CORO1B: variants seen among roughly 807,000 people sequenced by gnomAD.
The protein encoded by CORO1B is coronin 1B.
CORO1B carries 30 observed loss-of-function variants against 51.1 expected under a neutral mutation model. The observed-to-expected ratio is 0.59, with a 90% CI of 0.44 to 0.80. CORO1B has a LOEUF of 0.80. CORO1B is among the 30% of genes least tolerant of loss of function. The pLI, the probability that CORO1B is intolerant of heterozygous loss-of-function variation, is 0.00. For missense variants in CORO1B, 648 were observed against 700.4 expected (o/e 0.93, Z 0.84); for synonymous variants, 310 against 289.7 (o/e 1.07, Z -0.71).
rs772270600 is a variant in CORO1B, at chr11:67,442,624, G to A, written c.5C>T (p.Ser2Phe). Reference sequence around the variant, plus strand: ...GCTCTGCCGGACCACTTTGCGGAAGGACATGTCTGCGGGACAGAGAGGCCT... The same window carrying A: ...GCTCTGCCGGACCACTTTGCGGAAGAACATGTCTGCGGGACAGAGAGGCCT... M[S>F]FRKVVRQSKF... Residue 2 changes from serine (S) to phenylalanine (F), a missense_variant, in exon 2 of 11, where the codon TCC becomes TTC. Coordinates refer to ENST00000341356, the MANE Select transcript of CORO1B (RefSeq NM_020441.3). 93 of 1,613,378 alleles carry A rather than the reference G, an allele frequency of 5.8e-5. 2 individuals carry two copies. The South Asian group carries it at 1.0e-3, about 18-fold the overall frequency.
Position 67,440,121 on chromosome 11 carries a change from G to A in CORO1B, c.1004C>T (p.Ala335Val). 1 of 1,609,998 alleles carries A rather than the reference G, an allele frequency of 6.2e-7. No individual in the cohort carries two copies. The highest frequency in any genetic ancestry group is 8.5e-7 in the Non-Finnish European group (1 of 1,178,034). Residue 335 changes from alanine to valine, a missense_variant, in exon 8 of 11, where the codon GCC becomes GTC. Coordinates refer to ENST00000341356, the MANE Select transcript of CORO1B (RefSeq NM_020441.3). Reference protein sequence around the residue: ...RGLEVSKCEIARFYKLHERKC... With the variant: ...RGLEVSKCEIVRFYKLHERKC... ...GTGGCCTCGGTAGCCCTCTTACCGG[G>A]CGATCTCGCACTTGCTGACCTCCAG... is the stretch of plus-strand genomic sequence containing the variant.
Position 67,441,112 on chromosome 11 carries a change from G to T in CORO1B, c.756+13C>A. ...CCAAGTCTCAAGTTTGCCCCCTCAG[G>T]CTGGCCACTCACTGGGTCCCAGAGC... is the stretch of plus-strand genomic sequence containing the variant. On this transcript the variant is annotated intron_variant, in intron 6 of 10. Transcript: ENST00000341356. 1 of 1,612,906 alleles carries T rather than the reference G, an allele frequency of 6.2e-7. No homozygotes were observed. Among genetic ancestry groups the T allele is most frequent in the Non-Finnish European group, 8.5e-7 (1 of 1,179,986 alleles).
In CORO1B at chr11:67,437,625, C is replaced by T. The variant is rs781536204; in HGVS notation, c.*751G>A. 29 of 1,365,426 alleles carry T rather than the reference C, an allele frequency of 2.1e-5. No individual in the cohort carries two copies. The highest frequency in any genetic ancestry group is 1.2e-4 in the Admixed American group (4 of 34,224). The allele number at this position is 1,365,426 out of a possible 1,614,324, so 84.6% of individuals were successfully genotyped here. ...GGGGCTCCGAGGCTTACCATTGGTCCGCAGGCCCCTCCGTGCCGGGCACCC... is the reference window on the plus strand; with the variant it reads ...GGGGCTCCGAGGCTTACCATTGGTCTGCAGGCCCCTCCGTGCCGGGCACCC... On this transcript the variant is annotated 3_prime_UTR_variant, in exon 11 of 11. Coordinates refer to ENST00000341356, the MANE Select transcript of CORO1B (RefSeq NM_020441.3).
intron 1 of CORO1B, among the ~76,000 whole-genome samples, chr11:67,442,936 G>A (rs1460505197): frequency 2.0e-5 from 3 of 152,308 alleles, no homozygotes; most frequent in African/African-American, 2.4e-5. Context: ...GGGAGGTGCC[G>A]GGGTTGGAGA....
upstream of CORO1B, chr11:67,443,538 G>C (rs1205576001): frequency 1.2e-6 from 1 of 816,756 alleles, no homozygotes; most frequent in Non-Finnish European, 1.5e-6. Context: ...GGCTCGCGGG[G>C]GCGGGGCCGA....
Position 67,436,398 on chromosome 11 carries a change from G to T in CORO1B, c.*1978C>A. 1 of 1,425,644 alleles carries T rather than the reference G, an allele frequency of 7.0e-7. No individual in the cohort carries two copies. The highest frequency in any genetic ancestry group is 1.5e-5 in the South Asian group (1 of 66,826). The allele number at this position is 1,425,644 out of a possible 1,614,324, so 88.3% of individuals were successfully genotyped here. A position where few individuals can be genotyped will look rare whatever the true frequency, so the allele number is the denominator to read the frequency against. On this transcript the variant is annotated 3_prime_UTR_variant, in exon 11 of 11. Coordinates refer to ENST00000341356, the MANE Select transcript of CORO1B (RefSeq NM_020441.3). ...CAGAGGGCTCAGCACCTGGGGTGGG[G>T]CCTGGTGTGGGGCAGGCTGGGTGAC...
rs535853943 is a variant in CORO1B, at chr11:67,437,846, G to A, written c.*530C>T. ...GGGCCTGTCCTCCAAGGAAGAAGCA[G>A]CACCAACTTGAAGCTGGATGCAGCC... On this transcript the variant is annotated 3_prime_UTR_variant, in exon 11 of 11. Coordinates refer to ENST00000341356, the MANE Select transcript of CORO1B (RefSeq NM_020441.3). The A allele has an allele frequency of 7.9e-5, 32 of 404,136 alleles. No homozygotes were observed. Among genetic ancestry groups the A allele is most frequent in the Non-Finnish European group, 1.3e-4 (31 of 231,452 alleles). 25.0% of individuals were successfully genotyped at this position (404,136 alleles called of 1,614,324 possible).
rs144432725 is a variant in CORO1B, at chr11:67,440,441, T to C, written c.757-2A>G. 3.7e-6 allele frequency: 6 copies of C among 1,613,618 alleles called. No homozygotes were observed. The highest frequency in any genetic ancestry group is 5.1e-6 in the Non-Finnish European group (6 of 1,179,884). On this transcript the variant is annotated splice_acceptor_variant, in intron 6 of 10. Coordinates refer to ENST00000341356, the MANE Select transcript of CORO1B (RefSeq NM_020441.3). LOFTEE classifies it high-confidence loss of function. ...GGCCATGGGTTCCTCGAGGTTTTCC[T>C]GGCACATTGCAGGCAGTCAGGCCAA...
At position 67,436,907 on chromosome 11, in the gene CORO1B, C is replaced by T. The variant is rs540939848; in HGVS notation, c.*1469G>A. On this transcript the variant is annotated 3_prime_UTR_variant, in exon 11 of 11. Coordinates refer to ENST00000341356, the MANE Select transcript of CORO1B (RefSeq NM_020441.3). ...TTTGGGTCAAGCATGTTAGTAGGTG[C>T]TCAATAAGTATGGATTAAATGTGTC... The T allele has an allele frequency of 6.5e-6, 1 of 152,762 alleles. No homozygotes were observed. Among genetic ancestry groups the T allele is most frequent in the Non-Finnish European group, 1.5e-5 (1 of 68,626 alleles). The allele number at this position is 152,762 out of a possible 1,614,324, so 9.5% of individuals were successfully genotyped here. A position where few individuals can be genotyped will look rare whatever the true frequency, so the allele number is the denominator to read the frequency against.
rs1337233192 is a variant in CORO1B, at chr11:67,441,945, C to T, written c.324+21G>A. 4.3e-6 allele frequency: 7 copies of T among 1,612,938 alleles called. No individual in the cohort carries two copies. In the Admixed American group the frequency reaches 1.2e-4, roughly 27 times the overall value. On this transcript the variant is annotated intron_variant, in intron 3 of 10. Coordinates refer to ENST00000341356, the MANE Select transcript of CORO1B (RefSeq NM_020441.3). ...CTTCGGCCACACCCACGACCCTGGC[C>T]CAGCCAGTCCTGTGCCTCACCATGA...
At position 67,435,598 on chromosome 11, in the gene CORO1B, C is replaced by T. The variant is rs186747836; in HGVS notation, c.*2778G>A. On this transcript the variant is annotated 3_prime_UTR_variant, in exon 11 of 11. Coordinates refer to ENST00000341356, the MANE Select transcript of CORO1B (RefSeq NM_020441.3). The stretch of plus-strand genomic sequence containing the variant: ...CCGTGGTGAGCGGGGTACACATGGA[C>T]TTGGGAACTGGTAGGGGGTGACAGT... 2.2e-6 allele frequency: 3 copies of T among 1,360,652 alleles called. No homozygotes were observed. Among genetic ancestry groups the T allele is most frequent in the South Asian group, 1.5e-5 (1 of 67,970 alleles). The allele number at this position is 1,360,652 out of a possible 1,614,324, so 84.3% of individuals were successfully genotyped here.
In CORO1B at chr11:67,443,439, G is replaced by A. The variant is rs1864436394; in HGVS notation, c.-38C>T. 1 of 986,108 alleles carries A rather than the reference G, an allele frequency of 1.0e-6. No homozygotes were observed. The highest frequency in any genetic ancestry group is 4.7e-5 in the South Asian group (1 of 21,332). The allele number at this position is 986,108 out of a possible 1,614,324, so 61.1% of individuals were successfully genotyped here. On this transcript the variant is annotated 5_prime_UTR_variant, in exon 1 of 11. Transcript: ENST00000341356. ...GGGGGCGCAGGGGGCTGCGGCACCG[G>A]CTTCGGGCGGCTCCGGATCCCGGCC...
intron 6 of CORO1B, chr11:67,440,646 G>A: frequency 1.5e-6 from 1 of 685,988 alleles, no homozygotes; most frequent in Non-Finnish European, 2.7e-6. Context: ...CTCTTTTCCA[G>A]CCTCCTCCAG....
chr11:67,442,055 A>G lies in CORO1B; in HGVS notation c.235T>C (p.Cys79Arg), dbSNP rs1479555570. The change falls in exon 3 of 11, where the codon TGT (cysteine) becomes CGT (arginine). Residue 79 changes from cysteine to arginine, a missense_variant. Physicochemically the swap from Cys to Arg is radical, Grantham distance 180. Coordinates refer to ENST00000341356, the MANE Select transcript of CORO1B (RefSeq NM_020441.3). ...TCCAGGACAGGTCCCGTGTGCCCAC[A>G]CACCGTCGGGTAGGCCTTGTCAATG... ...GRIDKAYPTV[C>R]GHTGPVLDID... 7 of 1,612,982 alleles carry G rather than the reference A, an allele frequency of 4.3e-6. No individual in the cohort carries two copies. Among genetic ancestry groups the G allele is most frequent in the Admixed American group, 1.7e-5 (1 of 60,022 alleles).
At chr11:67,438,642 C>T (rs752068899) in intron 10 of CORO1B, 29 bp downstream of exon 10, 2 of 1,514,768 alleles carry the variant, frequency 1.3e-6, no homozygotes, top group Admixed American at 2.0e-5. Flanking sequence ...CTGGGGCTCC[C>T]AGCACCACCC....
At position 67,441,969 on chromosome 11, in the gene CORO1B, G is replaced by A; in HGVS notation, c.321C>T (p.Val107=). 1 of 1,613,096 alleles carries A rather than the reference G, an allele frequency of 6.2e-7. No homozygotes were observed. The highest frequency in any genetic ancestry group is 8.5e-7 in the Non-Finnish European group (1 of 1,179,996). Reference sequence around the variant, plus strand: ...CCCAGCCAGTCCTGTGCCTCACCATGACCGTGCAGTCCTCCGAGCCGCTGG... The same window carrying A: ...CCCAGCCAGTCCTGTGCCTCACCATAACCGTGCAGTCCTCCGAGCCGCTGG... ...VIASGSEDCT[V]MVWQIPENGL... is the part of the protein sequence containing the mutation. Residue 107 remains valine (V), a synonymous_variant, in exon 3 of 11, where the codon GTC becomes GTT. Transcript: ENST00000341356.
rs558999092 is a variant in CORO1B at position 67,438,854 on chromosome 11, C to G, written c.1161G>C (p.Pro387=). 9 of 1,608,906 alleles carry G rather than the reference C, an allele frequency of 5.6e-6. No individual in the cohort carries two copies. The South Asian group carries it at 8.9e-5, about 16-fold the overall frequency. The change falls in exon 10 of 11, where the codon CCG becomes CCC. Residue 387 remains proline (P), a synonymous_variant. Coordinates refer to ENST00000341356, the MANE Select transcript of CORO1B (RefSeq NM_020441.3). ...EEWVSGRDAD[P]ILISLREAYV... is the part of the protein sequence containing the mutation. ...AGGCCTCCCGCAGTGAGATGAGGATCGGGTCGGCATCCCGCCCGCTCACCC... is the reference window on the plus strand; with the variant it reads ...AGGCCTCCCGCAGTGAGATGAGGATGGGGTCGGCATCCCGCCCGCTCACCC...
intron 3 of CORO1B, 46 bp from the exon 4 acceptor site, chr11:67,441,908 A>T: frequency 6.2e-7 from 1 of 1,612,786 alleles, no homozygotes; most frequent in Non-Finnish European, 8.5e-7. Flanking sequence ...TGCTGGTCCT[A>T]TTGCTGGCCC....
rs1864288898 is a variant in CORO1B, at chr11:67,436,643, C to T, written c.*1733G>A. ...TCTGCCCGGAAAGCTCCACCTCCTC[C>T]CATCCTCCCCTCCCCCGGGCTGCAT... is the stretch of plus-strand genomic sequence containing the variant. On this transcript the variant is annotated 3_prime_UTR_variant, in exon 11 of 11. Transcript: ENST00000341356. 1 of 345,980 alleles carries T rather than the reference C, an allele frequency of 2.9e-6. No homozygotes were observed. Among genetic ancestry groups the T allele is most frequent in the Non-Finnish European group, 5.2e-6 (1 of 190,680 alleles). The allele number at this position is 345,980 out of a possible 1,614,324, so 21.4% of individuals were successfully genotyped here.
Sources: gnomAD v4.1 joint callset for allele counts (sites outside exome capture counted in the v4.1 genomes callset) on GRCh38, gnomAD v4.1.1 for gene constraint, MANE v1.5 for transcripts, NCBI Gene and HGNC (gene_info 2026-07-23, HGNC 2026-07-21) for gene names.